Variants in UBE2E2 observed in about 807,000 individuals in gnomAD.
The protein encoded by UBE2E2 is ubiquitin-conjugating enzyme E2 E2.
In UBE2E2, 6 loss-of-function variants were observed where a neutral mutation model predicts 24.7. That is an observed-to-expected ratio of 0.24 (90% CI 0.13 to 0.48). The LOEUF (loss-of-function observed/expected upper bound fraction) is 0.48. UBE2E2 is among the 20% of genes least tolerant of loss of function. The probability of loss-of-function intolerance (pLI) is 0.99; values close to 1 mark genes in which losing one functional copy is unlikely to be tolerated. For synonymous variants in UBE2E2, 104 were observed against 83.6 expected (o/e 1.24, Z -1.33); for missense variants, 169 against 245.0 (o/e 0.69, Z 2.07).
intron 3 of UBE2E2, among the ~76,000 whole-genome samples, chr3:23,284,733 T>C (rs1290896966): frequency 1.3e-5 from 2 of 151,740 alleles, no homozygotes; most frequent in African/African-American, 2.4e-5. Flanking sequence ...TATTTAGGAA[T>C]ACAATGTATA....
intron 3 of UBE2E2, among the ~76,000 whole-genome samples, chr3:23,228,198 T>C (rs1000931490): frequency 5.3e-5 from 8 of 152,188 alleles, no homozygotes; most frequent in Non-Finnish European, 1.2e-4. Flanking sequence ...TAAAAGAAAA[T>C]GTTGAATGGT....
intron 3 of UBE2E2, among the ~76,000 whole-genome samples, chr3:23,466,124 T>A (rs968907931): frequency 6.6e-5 from 10 of 152,184 alleles, no homozygotes; most frequent in African/African-American, 2.4e-4. Flanking sequence ...TTTTTAAAAA[T>A]TATAATTATA....
intron 3 of UBE2E2, among the ~76,000 whole-genome samples, chr3:23,256,362 G>A (rs936131395): frequency 6.6e-6 from 1 of 152,054 alleles, no homozygotes; most frequent in African/African-American, 2.4e-5. Flanking sequence ...TTGAATACTT[G>A]GGAATTTATA....
intron 3 of UBE2E2, among the ~76,000 whole-genome samples, chr3:23,485,747 T>C (rs757371258): frequency 2.0e-5 from 3 of 152,212 alleles, no homozygotes; most frequent in African/African-American, 4.8e-5. Context: ...ACTTATCAGG[T>C]CATTTGTGCA....
In UBE2E2 at chr3:23,491,166, A is replaced by T. The variant is rs536326355; in HGVS notation, c.228-8442A>T. 1.0e-3 allele frequency among the ~76,000 whole-genome samples: 152 copies of T among 151,756 alleles called. 2 individuals carry two copies. The highest frequency in any genetic ancestry group is 1.0e-3 in the African/African-American group (42 of 41,398). ...TAGACTTTGGCAGTATTGGTTTTTT[A>T]AAAAAAAATTAATGAATACAAATAC... On this transcript the variant is annotated intron_variant, in intron 3 of 5. Coordinates refer to ENST00000396703, the MANE Select transcript of UBE2E2 (RefSeq NM_152653.4).
In UBE2E2 at chr3:23,365,074, C is replaced by A. The variant is rs546189348; in HGVS notation, c.228-134534C>A. ...AAAAGCTTTTGATAAAATTCAATATCCCTTCATGTTAAGAACCCTCAACAA... is the reference window on the plus strand; with the variant it reads ...AAAAGCTTTTGATAAAATTCAATATACCTTCATGTTAAGAACCCTCAACAA... On this transcript the variant is annotated intron_variant, in intron 3 of 5. Transcript: ENST00000396703. Among the ~76,000 whole-genome samples, 8 of 152,270 alleles carry A rather than the reference C, an allele frequency of 5.3e-5. No individual in the cohort carries two copies. The East Asian group carries it at 1.5e-3, about 29-fold the overall frequency.
rs1234455457 is a variant in UBE2E2, at chr3:23,244,531, G to A, written c.227+27219G>A. On this transcript the variant is annotated intron_variant, in intron 3 of 5. Coordinates refer to ENST00000396703, the MANE Select transcript of UBE2E2 (RefSeq NM_152653.4). ...CAACATAATTAACTATACAAGGTTT[G>A]TTTATTATAGCTGAGTACTAGAACA... Among the ~76,000 whole-genome samples, 3 of 152,258 alleles carry A rather than the reference G, an allele frequency of 2.0e-5. No homozygotes were observed. In the South Asian group the frequency reaches 6.2e-4, roughly 32 times the overall value.
At chr3:23,392,168 TG>T (rs1235294715) in intron 3 of UBE2E2, among the ~76,000 whole-genome samples, 2 of 152,150 alleles carry the variant, frequency 1.3e-5, no homozygotes, top group African/African-American at 4.8e-5. Flanking sequence ...CTTAGACAGA[TG>T]GCAGAATGGA....
chr3:23,493,510 A>C (rs1050099788), intron 3 of UBE2E2, among the ~76,000 whole-genome samples: 1 of 152,218 alleles, frequency 6.6e-6, no homozygotes. Context: ...AAATTTAACT[A>C]TGAAAGCTTT....
At chr3:23,248,125 A>G (rs1697466810) in intron 3 of UBE2E2, among the ~76,000 whole-genome samples, 5 of 151,940 alleles carry the variant, frequency 3.3e-5, no homozygotes, top group Admixed American at 3.3e-4. Flanking sequence ...TTTGTAGTCG[A>G]GTACATTTTT....
intron 3 of UBE2E2, among the ~76,000 whole-genome samples, chr3:23,292,534 G>A (rs1203252493): frequency 1.3e-5 from 2 of 152,084 alleles, no homozygotes; most frequent in East Asian, 3.9e-4. Flanking sequence ...ACCTCTCAGA[G>A]CCCCACTCAC....
Position 23,471,337 on chromosome 3 carries a change from G to A in UBE2E2, c.228-28271G>A, listed in dbSNP as rs529666812. 1.9e-3 allele frequency among the ~76,000 whole-genome samples: 288 copies of A among 152,246 alleles called. 2 individuals carry two copies. The highest frequency in any genetic ancestry group is 3.4e-3 in the Non-Finnish European group (230 of 68,008). On this transcript the variant is annotated intron_variant, in intron 3 of 5. Transcript: ENST00000396703. ...TATCAAAACCAAAAACCTACAGATA[G>A]CAACAACCTCAAAGCTAAGTATCCT...
At chr3:23,490,785 C>G (rs1004871587) in intron 3 of UBE2E2, among the ~76,000 whole-genome samples, 4 of 152,112 alleles carry the variant, frequency 2.6e-5, no homozygotes. Flanking sequence ...ATTTCTTACT[C>G]TCTGCTAAGT....
chr3:23,303,454 C>G (rs1396538403), intron 3 of UBE2E2, among the ~76,000 whole-genome samples: 3 of 152,032 alleles, frequency 2.0e-5, no homozygotes, highest in Admixed American at 1.3e-4. Context: ...AACAGAAATC[C>G]TCACTACTGC....
At chr3:23,277,928 T>C (rs1698406339) in intron 3 of UBE2E2, among the ~76,000 whole-genome samples, 1 of 152,142 alleles carries the variant, frequency 6.6e-6, no homozygotes, top group South Asian at 2.1e-4. Flanking sequence ...CTTGCGTAAA[T>C]TATTTGCACA....
intron 5 of UBE2E2, among the ~76,000 whole-genome samples, chr3:23,552,774 T>A (rs1695673826): frequency 6.6e-6 from 1 of 152,236 alleles, no homozygotes; most frequent in South Asian, 2.1e-4. Flanking sequence ...TCTGAAATGC[T>A]ATTCAACTAC....
intron 5 of UBE2E2, among the ~76,000 whole-genome samples, chr3:23,553,165 ATT>A (rs1695690161): frequency 1.3e-5 from 2 of 152,168 alleles, no homozygotes; most frequent in Admixed American, 1.3e-4. Flanking sequence ...AAATTAATAA[ATT>A]ACTTGACAGA....
intron 3 of UBE2E2, among the ~76,000 whole-genome samples, chr3:23,406,633 T>C (rs769428460): frequency 1.3e-5 from 2 of 152,326 alleles, no homozygotes; most frequent in East Asian, 1.9e-4. Context: ...AAAGAGAAGA[T>C]TGAAACTAAT....
chr3:23,585,217 A>C (rs1424820507), intron 5 of UBE2E2, among the ~76,000 whole-genome samples: 1 of 151,902 alleles, frequency 6.6e-6, no homozygotes. Flanking sequence ...AAAAAAAATA[A>C]ATCAATAAAC....
Sources: allele counts gnomAD v4.1 joint callset (sites outside exome capture counted in the v4.1 genomes callset), GRCh38; gene constraint gnomAD v4.1.1; transcripts MANE v1.5; gene names NCBI Gene and HGNC (gene_info 2026-07-23, HGNC 2026-07-21).